UNC5D: variants seen among roughly 807,000 people sequenced by gnomAD.
UNC5D encodes the protein unc-5 netrin receptor D, also known as netrin receptor UNC5D.
In UNC5D, 39 loss-of-function variants were observed where a neutral mutation model predicts 105.4. That is an observed-to-expected ratio of 0.37 (90% CI 0.29 to 0.48). The LOEUF is 0.48. Ranked by LOEUF, UNC5D falls within the 20% of genes least tolerant of loss-of-function variation. The pLI, the probability that UNC5D is intolerant of heterozygous loss-of-function variation, is 0.98. For synonymous variants in UNC5D, 452 were observed against 450.4 expected (o/e 1.00, Z -0.04); for missense variants, 991 against 1,202.4 (o/e 0.82, Z 2.60).
At chr8:35,534,175 G>T (rs1201089925) in intron 1 of UNC5D, among the ~76,000 whole-genome samples, 2 of 152,092 alleles carry the variant, frequency 1.3e-5, no homozygotes, top group African/African-American at 4.8e-5. Context: ...TTTATCGCTG[G>T]AATTGTATAA....
At position 35,722,361 on chromosome 8, in the gene UNC5D, C is replaced by T; in HGVS notation, c.1269C>T (p.Gly423=). 1 of 1,614,088 alleles carries T rather than the reference C, an allele frequency of 6.2e-7. No homozygotes were observed. The highest frequency in any genetic ancestry group is 8.5e-7 in the Non-Finnish European group (1 of 1,179,988). ...DVIDSSALTG[G]FQTFNFKTVR... is the part of the protein sequence containing the mutation. ...TTGACTCTTCTGCATTGACAGGTGG[C>T]TTCCAGACCTTCAACTTCAAAACAG... Residue 423 remains glycine (G), a synonymous_variant, in exon 9 of 17, where the codon GGC becomes GGT. Coordinates refer to ENST00000404895, the MANE Select transcript of UNC5D (RefSeq NM_080872.4).
At chr8:35,305,966 A>G (rs1162770323) in intron 1 of UNC5D, among the ~76,000 whole-genome samples, 1 of 150,532 alleles carries the variant, frequency 6.6e-6, no homozygotes, top group Non-Finnish European at 1.5e-5. Context: ...CAATATATAA[A>G]TGATACTTTT....
intron 16 of UNC5D, among the ~76,000 whole-genome samples, chr8:35,783,620 C>T (rs1304791292): frequency 3.3e-5 from 5 of 152,162 alleles, no homozygotes; most frequent in Non-Finnish European, 7.3e-5. Context: ...CCTGTGCCTT[C>T]CTTTCCATTG....
At chr8:35,663,542 G>A (rs955910812) in intron 4 of UNC5D, among the ~76,000 whole-genome samples, 1 of 152,178 alleles carries the variant, frequency 6.6e-6, no homozygotes, top group African/African-American at 2.4e-5. Flanking sequence ...AACCATGTCT[G>A]AGAGTCTTTC....
At chr8:35,437,639 G>A (rs1179102152) in intron 1 of UNC5D, among the ~76,000 whole-genome samples, 7 of 151,932 alleles carry the variant, frequency 4.6e-5, no homozygotes, top group Non-Finnish European at 8.8e-5. Context: ...ACCCACCCAC[G>A]GAGTCTTCTG....
chr8:35,788,887 C>T (rs889514347), intron 16 of UNC5D, among the ~76,000 whole-genome samples: 1 of 151,628 alleles, frequency 6.6e-6, no homozygotes, highest in African/African-American at 2.4e-5. Flanking sequence ...AAAAACTGAA[C>T]CATTTTTTCC....
chr8:35,702,759 T>C (rs16875853), intron 7 of UNC5D, among the ~76,000 whole-genome samples: 8,701 of 152,242 alleles, frequency 0.057, 498 homozygotes, highest in African/African-American at 0.13. Flanking sequence ...GTCAAGGTAC[T>C]GTTGTTTCAC....
chr8:35,632,614 T>G (rs1253723856), intron 4 of UNC5D, among the ~76,000 whole-genome samples: 1 of 152,252 alleles, frequency 6.6e-6, no homozygotes, highest in Non-Finnish European at 1.5e-5. Context: ...GATTTTCCTC[T>G]GAAGAGCACT....
In UNC5D at chr8:35,686,695, G is replaced by A; in HGVS notation, c.1070G>A (p.Gly357Asp). ...CAGGAATCTGAAAACTGCACAGATG[G>A]TCTTTGCATCCTAGGTAACACTTTT... Reference protein sequence around the residue: ...LSQESENCTDGLCILDKKPLH... With the variant: ...LSQESENCTDDLCILDKKPLH... Residue 357 changes from glycine to aspartate, a missense_variant, in exon 7 of 17, where the codon GGT (glycine) becomes GAT (aspartate). Physicochemically the swap from Gly to Asp is moderately conservative, Grantham distance 94. Transcript: ENST00000404895. The A allele has an allele frequency of 1.3e-6, 2 of 1,596,614 alleles. No homozygotes were observed. The highest frequency in any genetic ancestry group is 1.7e-6 in the Non-Finnish European group (2 of 1,173,762).
intron 15 of UNC5D, among the ~76,000 whole-genome samples, chr8:35,771,888 C>T (rs536828223): frequency 2.6e-4 from 40 of 152,184 alleles, no homozygotes; most frequent in African/African-American, 8.4e-4. Context: ...TGAATTTTTC[C>T]GGGTTTCATA....
At chr8:35,744,816 G>A (rs1173128870) in intron 11 of UNC5D, among the ~76,000 whole-genome samples, 1 of 152,178 alleles carries the variant, frequency 6.6e-6, no homozygotes, top group East Asian at 1.9e-4. Context: ...ACTTTGAGAG[G>A]CCGAGGTGGG....
chr8:35,478,511 C>A (rs1424672854), intron 1 of UNC5D, among the ~76,000 whole-genome samples: 2 of 152,156 alleles, frequency 1.3e-5, no homozygotes, highest in African/African-American at 4.8e-5. Context: ...AGGACTCTTA[C>A]TTCAAAATGC....
chr8:35,508,827 C>T (rs775634897), intron 1 of UNC5D, among the ~76,000 whole-genome samples: 5 of 152,132 alleles, frequency 3.3e-5, no homozygotes, highest in Non-Finnish European at 5.9e-5. Flanking sequence ...TGTAGAGCTT[C>T]GTTTGCAGTC....
chr8:35,390,680 G>A (rs1173475255), intron 1 of UNC5D, among the ~76,000 whole-genome samples: 1 of 152,090 alleles, frequency 6.6e-6, no homozygotes, highest in Non-Finnish European at 1.5e-5. Context: ...TCCTAGCTAA[G>A]TCTCTCTAAA....
intron 1 of UNC5D, among the ~76,000 whole-genome samples, chr8:35,501,903 C>G (rs1487088306): frequency 6.6e-6 from 1 of 152,154 alleles, no homozygotes; most frequent in Admixed American, 6.6e-5. Context: ...CTAACTTCGG[C>G]ATTAAACAAA....
chr8:35,534,010 C>T (rs900458767), intron 1 of UNC5D, among the ~76,000 whole-genome samples: 9 of 148,238 alleles, frequency 6.1e-5, no homozygotes, highest in South Asian at 2.2e-4. Flanking sequence ...CCGTCTTCTG[C>T]GTCGCTCACG....
chr8:35,759,750 T>C (rs1801433019), intron 14 of UNC5D, among the ~76,000 whole-genome samples: 1 of 152,206 alleles, frequency 6.6e-6, no homozygotes, highest in South Asian at 2.1e-4. Context: ...AGGTTGAAGA[T>C]GCCAGTTTAA....
At chr8:35,560,406 T>C (rs892195191) in intron 2 of UNC5D, among the ~76,000 whole-genome samples, 1 of 152,220 alleles carries the variant, frequency 6.6e-6, no homozygotes, top group African/African-American at 2.4e-5. Flanking sequence ...ATATCACGTA[T>C]ATGTATGCAT....
intron 3 of UNC5D, among the ~76,000 whole-genome samples, chr8:35,571,502 G>A (rs535937636): frequency 6.6e-6 from 1 of 152,190 alleles, no homozygotes; most frequent in African/African-American, 2.4e-5. Flanking sequence ...ACATTAAAAT[G>A]CAAATTGAAA....
Sources: gnomAD v4.1 joint callset for allele counts (sites outside exome capture counted in the v4.1 genomes callset) on GRCh38, gnomAD v4.1.1 for gene constraint, MANE v1.5 for transcripts, NCBI Gene and HGNC (gene_info 2026-07-23, HGNC 2026-07-21) for gene names.